Variants in AANAT observed in about 807,000 individuals in gnomAD.
AANAT encodes aralkylamine N-acetyltransferase, also known as serotonin N-acetyltransferase.
Under a neutral mutation model 15.6 loss-of-function variants are expected in AANAT, and 11 were observed. The ratio of observed to expected loss-of-function variants is 0.71; its 90% confidence interval spans 0.44 to 1.17. The LOEUF is 1.17. Ranked by LOEUF, AANAT falls within the 50% of genes most tolerant of loss-of-function variation. The probability of loss-of-function intolerance (pLI) is 0.00; values close to 1 mark genes in which losing one functional copy is unlikely to be tolerated. For synonymous variants in AANAT, 139 were observed against 131.5 expected, an observed-to-expected ratio of 1.06 and a Z score of -0.39; for missense variants, 286 against 296.3, an observed-to-expected ratio of 0.97 and a Z score of 0.26.
At chr17:76,459,092 C>T (rs536642765) in intron 1 of AANAT, among the ~76,000 whole-genome samples, 50 of 152,348 alleles carry the variant, frequency 3.3e-4, no homozygotes, top group African/African-American at 1.1e-3. Context: ...GATCAGGACC[C>T]AGCCCAGCTG....
upstream of AANAT, among the ~76,000 whole-genome samples, chr17:76,465,174 TC>T (rs1185825514): frequency 6.6e-6 from 1 of 151,340 alleles, no homozygotes; most frequent in African/African-American, 2.4e-5. Context: ...GGACACATTC[TC>T]CCCCCCATCC....
chr17:76,469,780 A>T lies in AANAT; in HGVS notation c.434A>T (p.His145Leu). ...CCCATCCTGCTGTGGCGCTACCTGCACCACCTGGGCAGCCAGCCGGCCGTG... is the reference window on the plus strand; with the variant it reads ...CCCATCCTGCTGTGGCGCTACCTGCTCCACCTGGGCAGCCAGCCGGCCGTG... ...RGPILLWRYL[H>L]HLGSQPAVRR... The change falls in exon 4 of 4, where the codon CAC becomes CTC. Residue 145 changes from histidine to leucine, a missense_variant. His to Leu is a moderately conservative substitution (Grantham distance 99). Transcript: ENST00000392492. The surrounding 1 kb of genome is among the most constrained non-coding windows in gnomAD (Gnocchi z 5.2). 6.3e-7 allele frequency: 1 copy of T among 1,591,054 alleles called. No homozygotes were observed. Among genetic ancestry groups the T allele is most frequent in the Non-Finnish European group, 8.5e-7 (1 of 1,170,002 alleles).
At chr17:76,456,629 C>T (rs1013982624) in intron 1 of AANAT, among the ~76,000 whole-genome samples, 1 of 152,194 alleles carries the variant, frequency 6.6e-6, no homozygotes, top group Non-Finnish European at 1.5e-5. Flanking sequence ...ACGCAGGTCC[C>T]TACTCCCTCT....
chr17:76,468,921 C>T lies in AANAT; in HGVS notation c.163+12C>T, dbSNP rs977095777. ...GATCGAGCGTGAAGGTGAGTGGCCC[C>T]GCACAGGGTCAGAGGGATGCTCCAC... is the stretch of plus-strand genomic sequence containing the variant. On this transcript the variant is annotated intron_variant, in intron 2 of 3. Transcript: ENST00000392492. 11 of 1,610,442 alleles carry T rather than the reference C, an allele frequency of 6.8e-6. No homozygotes were observed. The highest frequency in any genetic ancestry group is 5.5e-5 in the South Asian group (5 of 90,938).
upstream of AANAT, among the ~76,000 whole-genome samples, chr17:76,467,033 G>A (rs1402652099): frequency 6.6e-6 from 1 of 152,058 alleles, no homozygotes; most frequent in African/African-American, 2.4e-5. Context: ...GTGTGAGCTG[G>A]AGGGCAGGGG....
chr17:76,464,754 CT>C (rs1239765990), upstream of AANAT, among the ~76,000 whole-genome samples: 7 of 151,716 alleles, frequency 4.6e-5, no homozygotes, highest in African/African-American at 1.7e-4. Context: ...TACAGCACCC[CT>C]GGGAAACATA....
upstream of AANAT, among the ~76,000 whole-genome samples, chr17:76,463,487 T>C (rs1396974960): frequency 6.6e-6 from 1 of 151,946 alleles, no homozygotes; most frequent in Non-Finnish European, 1.5e-5. Context: ...TTTGTATTTT[T>C]AGTAGAGACG....
Position 76,468,782 on chromosome 17 carries a change from G to C in AANAT, c.36G>C (p.Glu12Asp). The stretch of plus-strand genomic sequence containing the variant: ...AGAGCACCCACCCCCTGAAACCTGA[G>C]GCCCCACGTCTGCCACCTGGGATCC... ...STQSTHPLKP[E>D]APRLPPGIPE... The change falls in exon 2 of 4, where the codon GAG becomes GAC. Residue 12 changes from glutamate to aspartate, a missense_variant. Physicochemically the swap from Glu to Asp is conservative, Grantham distance 45. Transcript: ENST00000392492. The C allele has an allele frequency of 1.2e-6, 2 of 1,613,374 alleles. No individual in the cohort carries two copies. The highest frequency in any genetic ancestry group is 1.7e-6 in the Non-Finnish European group (2 of 1,179,872).
upstream of AANAT, among the ~76,000 whole-genome samples, chr17:76,462,956 C>G (rs2073403451): frequency 6.6e-6 from 1 of 152,218 alleles, no homozygotes; most frequent in South Asian, 2.1e-4. Context: ...TGGTCTGCCC[C>G]AAATGGGCTC....
upstream of AANAT, among the ~76,000 whole-genome samples, chr17:76,462,958 A>G (rs909232068): frequency 3.3e-5 from 5 of 152,164 alleles, no homozygotes; most frequent in African/African-American, 1.2e-4. Context: ...GTCTGCCCCA[A>G]ATGGGCTCCC....
At chr17:76,457,909 G>T (rs1422082825) in intron 1 of AANAT, among the ~76,000 whole-genome samples, 1 of 152,192 alleles carries the variant, frequency 6.6e-6, no homozygotes, top group East Asian at 1.9e-4. Flanking sequence ...GGTGGCGGGC[G>T]CCTGAAATCC....
intron 2 of AANAT, among the ~76,000 whole-genome samples, chr17:76,461,605 C>CAAAAAA (rs10578887): frequency 5.7e-5 from 3 of 52,874 alleles, no homozygotes; most frequent in East Asian, 1.4e-3. Context: ...GAGCCTCCAC[C>CAAAAAA]AAAAAAAAAA....
intron 1 of AANAT, among the ~76,000 whole-genome samples, chr17:76,454,675 T>C (rs1035762053): frequency 2.1e-4 from 31 of 151,058 alleles, no homozygotes; most frequent in Non-Finnish European, 4.4e-5. Context: ...GTACAAAAAT[T>C]AGCTGGGCGT....
intron 2 of AANAT, among the ~76,000 whole-genome samples, chr17:76,460,470 T>TA (rs1404516174): frequency 6.6e-6 from 1 of 151,720 alleles, no homozygotes; most frequent in African/African-American, 2.4e-5. Flanking sequence ...ATTTTTTTAT[T>TA]AAAAAAAATA....
At position 76,469,114 on chromosome 17, in the gene AANAT, C is replaced by A. The variant is rs1191786547; in HGVS notation, c.164-59C>A. On this transcript the variant is annotated intron_variant, in intron 2 of 3. Coordinates refer to ENST00000392492, the MANE Select transcript of AANAT (RefSeq NM_001088.3). The surrounding 1 kb of genome is among the most constrained non-coding windows in gnomAD (Gnocchi z 5.2). ...ATCTGAGTGGACACTCGGGGTGCAGCAGACAGTGGACGCGAGGCACAGCGA... is the reference window on the plus strand; with the variant it reads ...ATCTGAGTGGACACTCGGGGTGCAGAAGACAGTGGACGCGAGGCACAGCGA... 1.2e-6 allele frequency: 2 copies of A among 1,603,482 alleles called. No homozygotes were observed. The highest frequency in any genetic ancestry group is 1.7e-5 in the Admixed American group (1 of 59,700).
At chr17:76,458,801 A>G (rs1161181787) in intron 1 of AANAT, among the ~76,000 whole-genome samples, 3 of 152,106 alleles carry the variant, frequency 2.0e-5, no homozygotes, top group African/African-American at 7.2e-5. Context: ...CCTGGCCCAA[A>G]GAGCTCCTTC....
upstream of AANAT, among the ~76,000 whole-genome samples, chr17:76,463,694 C>T (rs1436682921): frequency 1.3e-5 from 2 of 152,134 alleles, no homozygotes; most frequent in Non-Finnish European, 2.9e-5. Flanking sequence ...GCATTTCAGG[C>T]TCTATCTGCC....
intron 1 of AANAT, 98 bp from the exon 2 acceptor site, chr17:76,468,574 A>AC: frequency 1.8e-6 from 2 of 1,102,028 alleles, no homozygotes; most frequent in South Asian, 3.3e-5. Context: ...GGCTGTCTCC[A>AC]CCCCAGTTCC....
chr17:76,464,263 A>T (rs1383965272), upstream of AANAT, among the ~76,000 whole-genome samples: 2 of 151,464 alleles, frequency 1.3e-5, no homozygotes, highest in Non-Finnish European at 2.9e-5. Context: ...AATTGCTTGA[A>T]CCTGGGAGGC....
Sources: allele counts gnomAD v4.1 joint callset (sites outside exome capture counted in the v4.1 genomes callset), GRCh38; gene constraint gnomAD v4.1.1; non-coding constraint Gnocchi (gnomAD v3.1); transcripts MANE v1.5; gene names NCBI Gene and HGNC (gene_info 2026-07-23, HGNC 2026-07-21).